The following TRDMT1 variants were observed in gnomAD, a reference collection of about 807,000 sequenced individuals.
TRDMT1 encodes tRNA (cytosine(38)-C(5))-methyltransferase.
A neutral mutation model predicts 51.2 loss-of-function variants in TRDMT1; 49 were observed. The observed-to-expected ratio is 0.96, with a 90% CI of 0.76 to 1.21. The LOEUF is 1.21. Among genes scored for constraint, TRDMT1 ranks in the 50% most tolerant of loss-of-function variants. The probability of loss-of-function intolerance (pLI) is 0.00; values close to 1 mark genes in which losing one functional copy is unlikely to be tolerated. For missense variants in TRDMT1, 534 were observed against 462.3 expected, an observed-to-expected ratio of 1.16 and a Z score of -1.42; for synonymous variants, 187 against 164.6, an observed-to-expected ratio of 1.14 and a Z score of -1.04.
Position 17,186,498 on chromosome 10 carries a change from C to T in TRDMT1, c.65-11838G>A, listed in dbSNP as rs543177677. ...AGAAAAAGGGATAATGAGCCACGTA[C>T]TATGGGCAGCCCCTAGAAGCCAGAA... On this transcript the variant is annotated intron_variant, in intron 1 of 10. Coordinates refer to ENST00000377799, the MANE Select transcript of TRDMT1 (RefSeq NM_004412.7). Among the ~76,000 whole-genome samples the T allele has an allele frequency of 6.6e-5, 10 of 152,258 alleles. 1 individual carries two copies. The South Asian group carries it at 1.9e-3, about 28-fold the overall frequency.
At chr10:17,151,604 G>T (rs1838748836) in intron 10 of TRDMT1, 1 of 985,438 alleles carries the variant, frequency 1.0e-6, no homozygotes. Flanking sequence ...TATTTTAGAA[G>T]GAGGTTCAGT....
intron 8 of TRDMT1, among the ~76,000 whole-genome samples, chr10:17,156,311 T>C (rs1284640236): frequency 2.0e-5 from 3 of 151,878 alleles, no homozygotes; most frequent in African/African-American, 2.4e-5. Context: ...CTCGGCTCAC[T>C]GCAACCTCTG....
chr10:17,188,110 C>T (rs1432792196), intron 1 of TRDMT1, among the ~76,000 whole-genome samples: 1 of 149,506 alleles, frequency 6.7e-6, no homozygotes, highest in Non-Finnish European at 1.5e-5. Flanking sequence ...TTTTAACTGG[C>T]ATGAAGAATT....
chr10:17,171,814 A>T (rs35552881), intron 2 of TRDMT1: 2 of 152,712 alleles, frequency 1.3e-5, no homozygotes, highest in Non-Finnish European at 2.9e-5. Flanking sequence ...ACTTTGATTC[A>T]TCTCTTGCTC....
In TRDMT1 at chr10:17,141,323, G is replaced by A. The variant is rs566209850; in HGVS notation, c.*7717C>T. On this transcript the variant is annotated 3_prime_UTR_variant, in exon 11 of 11. Transcript: ENST00000377799. ...ACTACAGGCATGCACCACCATGCCC[G>A]GCTAATTTTTTTGATTTTAGTAGAG... Among the ~76,000 whole-genome samples the A allele has an allele frequency of 1.2e-4, 19 of 152,106 alleles. 1 individual carries two copies. In the South Asian group the frequency reaches 2.3e-3, roughly 18 times the overall value.
intron 2 of TRDMT1, among the ~76,000 whole-genome samples, chr10:17,171,305 G>A (rs764661061): frequency 1.3e-5 from 2 of 152,144 alleles, no homozygotes; most frequent in African/African-American, 2.4e-5. Context: ...TGAAGACACT[G>A]ATGACACCTG....
chr10:17,193,598 A>T (rs1478454640), intron 1 of TRDMT1, among the ~76,000 whole-genome samples: 1 of 152,136 alleles, frequency 6.6e-6, no homozygotes, highest in Non-Finnish European at 1.5e-5. Flanking sequence ...AATACATCTA[A>T]CCAAGGAGGT....
intron 1 of TRDMT1, among the ~76,000 whole-genome samples, chr10:17,184,254 T>C (rs1236962082): frequency 2.0e-5 from 3 of 152,128 alleles, no homozygotes; most frequent in Non-Finnish European, 4.4e-5. Flanking sequence ...GGTTCCTTAC[T>C]ATAAAATGTT....
In TRDMT1 at chr10:17,145,747, T is replaced by C. The variant is rs1224678021; in HGVS notation, c.*3293A>G. ...CGCTTGTTTCTAAACTCTTAAGTTA[T>C]CAAAGCAAAAGAGCAACCAGAGTGA... On this transcript the variant is annotated 3_prime_UTR_variant, in exon 11 of 11. Transcript: ENST00000377799. 2.0e-6 allele frequency: 2 copies of C among 985,346 alleles called. No homozygotes were observed. Among genetic ancestry groups the C allele is most frequent in the Middle Eastern group, 5.2e-4 (1 of 1,936 alleles). The allele number at this position is 985,346 out of a possible 1,614,324, so 61.0% of individuals were successfully genotyped here.
At chr10:17,151,792 C>G (rs1838772622) in intron 10 of TRDMT1, 1 of 822,746 alleles carries the variant, frequency 1.2e-6, no homozygotes, top group African/African-American at 1.9e-5. Flanking sequence ...TACATTATGT[C>G]TCAGATATTA....
Position 17,143,513 on chromosome 10 carries a change from C to A in TRDMT1, c.*5527G>T. On this transcript the variant is annotated 3_prime_UTR_variant, in exon 11 of 11. Transcript: ENST00000377799. ...CATTTTTTTCACATGTGAAATTTAA[C>A]TGGACTTGTGTAAGGAACCAGCTAA... 1 of 985,340 alleles carries A rather than the reference C, an allele frequency of 1.0e-6. No individual in the cohort carries two copies. Among genetic ancestry groups the A allele is most frequent in the Non-Finnish European group, 1.2e-6 (1 of 829,910 alleles). 61.0% of individuals were successfully genotyped at this position (985,340 alleles called of 1,614,324 possible).
chr10:17,188,647 C>T (rs181077127), intron 1 of TRDMT1, among the ~76,000 whole-genome samples: 1 of 152,248 alleles, frequency 6.6e-6, no homozygotes, highest in African/African-American at 2.4e-5. Flanking sequence ...TCTCATGTGC[C>T]TCTTTGAAAT....
rs537824181 is a variant in TRDMT1 at position 17,139,761 on chromosome 10, T to C, written c.*9279A>G. On this transcript the variant is annotated 3_prime_UTR_variant, in exon 11 of 11. Coordinates refer to ENST00000377799, the MANE Select transcript of TRDMT1 (RefSeq NM_004412.7). ...GGGATTTGTTAATTGAAGTGCCACATAGATCTGTGGGAAGATTTAAGGTGT... is the reference window on the plus strand; with the variant it reads ...GGGATTTGTTAATTGAAGTGCCACACAGATCTGTGGGAAGATTTAAGGTGT... Among the ~76,000 whole-genome samples the C allele has an allele frequency of 6.6e-6, 1 of 152,262 alleles. No individual in the cohort carries two copies. The highest frequency in any genetic ancestry group is 2.1e-4 in the South Asian group (1 of 4,828).
In TRDMT1 at chr10:17,147,956, C is replaced by T; in HGVS notation, c.*1084G>A. 1.0e-6 allele frequency: 1 copy of T among 978,072 alleles called. No individual in the cohort carries two copies. The highest frequency in any genetic ancestry group is 1.2e-6 in the Non-Finnish European group (1 of 823,276). 60.6% of individuals were successfully genotyped at this position (978,072 alleles called of 1,614,324 possible). A position where few individuals can be genotyped will look rare whatever the true frequency, so the allele number is the denominator to read the frequency against. ...AGCAATGCACAAACTTCCAATTTAT[C>T]CACCTCTAAATAGCTGATTTTTAAG... On this transcript the variant is annotated 3_prime_UTR_variant, in exon 11 of 11. Coordinates refer to ENST00000377799, the MANE Select transcript of TRDMT1 (RefSeq NM_004412.7).
chr10:17,156,838 A>G (rs1175971629), intron 8 of TRDMT1, among the ~76,000 whole-genome samples: 1 of 152,202 alleles, frequency 6.6e-6, no homozygotes, highest in Non-Finnish European at 1.5e-5. Context: ...TTTCAGATAC[A>G]ATACCTCTGG....
chr10:17,170,866 C>T (rs1401289880), intron 2 of TRDMT1, among the ~76,000 whole-genome samples: 1 of 151,974 alleles, frequency 6.6e-6, no homozygotes, highest in African/African-American at 2.4e-5. Context: ...TTGTAGCCAG[C>T]GTCCTTATTA....
rs1837959454 is a variant in TRDMT1 at position 17,144,749 on chromosome 10, A to G, written c.*4291T>C. 5 of 985,280 alleles carry G rather than the reference A, an allele frequency of 5.1e-6. No homozygotes were observed. Among genetic ancestry groups the G allele is most frequent in the African/African-American group, 1.7e-5 (1 of 57,232 alleles). The allele number at this position is 985,280 out of a possible 1,614,324, so 61.0% of individuals were successfully genotyped here. ...TTTTGAAGAGCATGAGTACCTTAAA[A>G]TGTTCCTAGACAGCCTAAAGAGAGA... On this transcript the variant is annotated 3_prime_UTR_variant, in exon 11 of 11. Coordinates refer to ENST00000377799, the MANE Select transcript of TRDMT1 (RefSeq NM_004412.7).
rs927295184 is a variant in TRDMT1 at position 17,163,266 on chromosome 10, T to C, written c.252-1029A>G. Among the ~76,000 whole-genome samples, 12 of 151,820 alleles carry C rather than the reference T, an allele frequency of 7.9e-5. No individual in the cohort carries two copies. The East Asian group carries it at 2.1e-3, about 27-fold the overall frequency. ...AACATGACCAAAGATAAGGCAGAAA[T>C]GAAGACTTGAATTGAGCCCGAGCAG... is the stretch of plus-strand genomic sequence containing the variant. On this transcript the variant is annotated intron_variant, in intron 3 of 10. Coordinates refer to ENST00000377799, the MANE Select transcript of TRDMT1 (RefSeq NM_004412.7).
chr10:17,173,094 C>T (rs1190409948), intron 2 of TRDMT1, among the ~76,000 whole-genome samples: 7 of 151,782 alleles, frequency 4.6e-5, no homozygotes, highest in Non-Finnish European at 8.8e-5. Flanking sequence ...TTTTAAAAAT[C>T]CAAATAAAAA....
Sources: allele counts gnomAD v4.1 joint callset (sites outside exome capture counted in the v4.1 genomes callset), GRCh38; gene constraint gnomAD v4.1.1; transcripts MANE v1.5; gene names NCBI Gene and HGNC (gene_info 2026-07-23, HGNC 2026-07-21).